The following EIF2AK2 variants were observed in gnomAD, a reference collection of about 807,000 sequenced individuals.
EIF2AK2 encodes the protein interferon-induced, double-stranded RNA-activated protein kinase.
In EIF2AK2, 40 loss-of-function variants were observed where a neutral mutation model predicts 70.5. That is an observed-to-expected ratio of 0.57 (90% CI 0.44 to 0.74). EIF2AK2 has a LOEUF of 0.74. Among genes scored for constraint, EIF2AK2 ranks in the 30% least tolerant of loss-of-function variants. The pLI is 0.00. For synonymous variants in EIF2AK2, 198 were observed against 220.9 expected, an observed-to-expected ratio of 0.90 and a Z score of 0.92; for missense variants, 555 against 644.3, an observed-to-expected ratio of 0.86 and a Z score of 1.50.
intron 10 of EIF2AK2, among the ~76,000 whole-genome samples, chr2:37,130,079 A>C (rs982945650): frequency 1.3e-5 from 2 of 149,966 alleles, no homozygotes; most frequent in African/African-American, 4.9e-5. Context: ...ATCATCTCCC[A>C]ACTTTTGGCT....
At chr2:37,155,111 C>A (rs189919156) in intron 1 of EIF2AK2, among the ~76,000 whole-genome samples, 1 of 152,064 alleles carries the variant, frequency 6.6e-6, no homozygotes, top group African/African-American at 2.4e-5. Context: ...CTCAAAAGCA[C>A]GCTTCCACCA....
rs1451792365 is a variant in EIF2AK2, at chr2:37,107,237, T to C, written c.*36A>G. On this transcript the variant is annotated 3_prime_UTR_variant, in exon 17 of 17. Transcript: ENST00000233057. ...AGATTTTAGATAATTTAAGGAAAAC[T>C]GCATATCAGAAGCAGGATACTTTTT... is the stretch of plus-strand genomic sequence containing the variant. 2 of 1,594,820 alleles carry C rather than the reference T, an allele frequency of 1.3e-6. No individual in the cohort carries two copies. The highest frequency in any genetic ancestry group is 1.7e-4 in the Middle Eastern group (1 of 5,980).
In EIF2AK2 at chr2:37,122,486, G is replaced by T; in HGVS notation, c.1067+20C>A. 1 of 1,611,496 alleles carries T rather than the reference G, an allele frequency of 6.2e-7. No individual in the cohort carries two copies. The highest frequency in any genetic ancestry group is 1.1e-5 in the South Asian group (1 of 90,522). Reference sequence around the variant, plus strand: ...TTTCCTTCCATCCTATTATGGCTATGAGAATTTATTTTTAGTTACCTTGAA... The same window carrying T: ...TTTCCTTCCATCCTATTATGGCTATTAGAATTTATTTTTAGTTACCTTGAA... On this transcript the variant is annotated intron_variant, in intron 12 of 16. Transcript: ENST00000233057.
At chr2:37,123,333 C>A (rs927023728) in intron 11 of EIF2AK2, among the ~76,000 whole-genome samples, 1 of 151,800 alleles carries the variant, frequency 6.6e-6, no homozygotes, top group Non-Finnish European at 1.5e-5. Context: ...GTGGCACAAT[C>A]TTGGCTCATT....
At chr2:37,122,823 A>G (rs1308560915) in intron 11 of EIF2AK2, among the ~76,000 whole-genome samples, 159 bp from the exon 12 acceptor site, 2 of 152,206 alleles carry the variant, frequency 1.3e-5, no homozygotes, top group African/African-American at 4.8e-5. Context: ...TTCAAAAGGA[A>G]AAAGTGAACA....
chr2:37,150,679 A>G (rs1312466613), intron 1 of EIF2AK2, among the ~76,000 whole-genome samples: 1 of 152,226 alleles, frequency 6.6e-6, no homozygotes, highest in East Asian at 1.9e-4. Context: ...TTTGGAAATA[A>G]TCTACATATC....
At chr2:37,120,311 A>G (rs2148675845) in intron 12 of EIF2AK2, among the ~76,000 whole-genome samples, 172 bp from the exon 13 acceptor site, 1 of 151,594 alleles carries the variant, frequency 6.6e-6, no homozygotes, top group Admixed American at 6.6e-5. Flanking sequence ...AGGTCAGGAG[A>G]TCGAGACCAC....
intron 14 of EIF2AK2, among the ~76,000 whole-genome samples, chr2:37,110,456 T>C (rs924657316): frequency 6.6e-6 from 1 of 151,928 alleles, no homozygotes; most frequent in Admixed American, 6.6e-5. Context: ...TAAAGTACAA[T>C]GATGAATGTT....
chr2:37,125,444 G>C (rs1275412566), intron 11 of EIF2AK2, among the ~76,000 whole-genome samples: 2 of 152,176 alleles, frequency 1.3e-5, no homozygotes, highest in African/African-American at 4.8e-5. Flanking sequence ...TGACGTTCTG[G>C]AACTCCTCAG....
chr2:37,138,132 A>C (rs1406251365), intron 8 of EIF2AK2, 138 bp downstream of exon 8: 1 of 552,854 alleles, frequency 1.8e-6, no homozygotes, highest in Non-Finnish European at 3.0e-6. Flanking sequence ...AAAAAAGTCT[A>C]CTGAGGTATT....
At chr2:37,147,864 CAT>C in intron 2 of EIF2AK2, 42 bp from the exon 3 acceptor site, 1 of 1,384,010 alleles carries the variant, frequency 7.2e-7, no homozygotes, top group Non-Finnish European at 1.0e-6. Flanking sequence ...GCTCACAGAA[CAT>C]ATTTAATCTG....
intron 14 of EIF2AK2, among the ~76,000 whole-genome samples, chr2:37,109,962 C>T (rs1007903269): frequency 6.6e-6 from 1 of 152,022 alleles, no homozygotes; most frequent in Non-Finnish European, 1.5e-5. Context: ...GCAAAATGTT[C>T]TATATCTTTA....
At position 37,105,981 on chromosome 2, in the gene EIF2AK2, AG is replaced by A. The variant is rs1234182049; in HGVS notation, c.*1291del. The stretch of plus-strand genomic sequence containing the variant: ...TTGTCTTTAAAGTGGTTGTTACAAT[AG>A]ATACAAAATGTATTTAAGATAAAAG... On this transcript the variant is annotated 3_prime_UTR_variant, in exon 17 of 17. Transcript: ENST00000233057. 2.6e-5 allele frequency: 4 copies of A among 152,344 alleles called. No individual in the cohort carries two copies. Among genetic ancestry groups the A allele is most frequent in the Admixed American group, 6.5e-5 (1 of 15,292 alleles). The allele number at this position is 152,344 out of a possible 1,614,324, so 9.4% of individuals were successfully genotyped here. A position where few individuals can be genotyped will look rare whatever the true frequency, so the allele number is the denominator to read the frequency against.
chr2:37,147,697 T>C lies in EIF2AK2; in HGVS notation c.110A>G (p.His37Arg), dbSNP rs774527920. 3.7e-6 allele frequency: 6 copies of C among 1,601,478 alleles called. No homozygotes were observed. The highest frequency in any genetic ancestry group is 5.1e-6 in the Non-Finnish European group (6 of 1,168,892). ...YQELPNSGPP[H>R]DRRFTFQVII... is the part of the protein sequence containing the mutation. ...TTTTATAGCAACCTACCTCCTATCA[T>C]GTGGAGGTCCTGAATTAGGCAGTTC... Residue 37 changes from histidine to arginine, a missense_variant, in exon 3 of 17, where the codon CAT (histidine) becomes CGT (arginine). His to Arg is a conservative substitution (Grantham distance 29). Coordinates refer to ENST00000233057, the MANE Select transcript of EIF2AK2 (RefSeq NM_001135651.3).
chr2:37,101,362 T>A lies in EIF2AK2; in HGVS notation c.*5911A>T, dbSNP rs890314035. ...TTTGATAGAACCAGAAAATCACTAT[T>A]TTACAACCCCTGAAATGAAATAATG... On this transcript the variant is annotated 3_prime_UTR_variant, in exon 17 of 17. Transcript: ENST00000233057. The A allele has an allele frequency of 2.0e-5, 3 of 152,182 alleles. No individual in the cohort carries two copies. The highest frequency in any genetic ancestry group is 7.2e-5 in the African/African-American group (3 of 41,434). 9.4% of individuals were successfully genotyped at this position (152,182 alleles called of 1,614,324 possible).
intron 12 of EIF2AK2, 62 bp downstream of exon 12, chr2:37,122,444 T>A (rs553979682): frequency 6.4e-7 from 1 of 1,560,172 alleles, no homozygotes; most frequent in African/African-American, 1.4e-5. Context: ...CAGTGGCCCA[T>A]ACATAGTAAA....
chr2:37,122,211 C>G (rs571167488), intron 12 of EIF2AK2, among the ~76,000 whole-genome samples: 3 of 152,168 alleles, frequency 2.0e-5, no homozygotes, highest in Non-Finnish European at 4.4e-5. Context: ...GCGCTGAAGC[C>G]GGCACGTGAA....
chr2:37,138,638 A>T, intron 6 of EIF2AK2, 53 bp from the exon 7 acceptor site: 1 of 1,511,806 alleles, frequency 6.6e-7, no homozygotes, highest in Non-Finnish European at 9.2e-7. Flanking sequence ...TTATTTCTCT[A>T]CAGAGGCTCA....
At chr2:37,143,354 T>C (rs1026652021) in intron 4 of EIF2AK2, among the ~76,000 whole-genome samples, 1 of 152,162 alleles carries the variant, frequency 6.6e-6, no homozygotes, top group East Asian at 1.9e-4. Flanking sequence ...TCTCTTCAGA[T>C]CATTTTCTTC....
Sources: gnomAD v4.1 joint callset for allele counts (sites outside exome capture counted in the v4.1 genomes callset) on GRCh38, gnomAD v4.1.1 for gene constraint, MANE v1.5 for transcripts, NCBI Gene and HGNC (gene_info 2026-07-23, HGNC 2026-07-21) for gene names.